Variants in PLXND1 observed in about 807,000 individuals in gnomAD.
The protein encoded by PLXND1 is plexin D1.
A neutral mutation model predicts 197.7 loss-of-function variants in PLXND1; 54 were observed. The observed-to-expected ratio is 0.27, with a 90% confidence interval of 0.22 to 0.34. The LOEUF is 0.34. Among genes scored for constraint, PLXND1 ranks in the 10% least tolerant of loss-of-function variants. The pLI, the probability that PLXND1 is intolerant of heterozygous loss-of-function variation, is 1.00. For missense variants in PLXND1, 2,127 were observed against 2,699.2 expected (o/e 0.79, Z 4.70); for synonymous variants, 1,180 against 1,161.2 (o/e 1.02, Z -0.33).
At position 129,558,423 on chromosome 3, in the gene PLXND1, C is replaced by G; in HGVS notation, c.5445+5G>C. The G allele has an allele frequency of 6.2e-7, 1 of 1,612,970 alleles. No homozygotes were observed. Reference sequence around the variant, plus strand: ...GGGCCTGGCCTGGTCCTGGGAACAGCTGACCTTGCCCAGCTGCAGGTCAGA... The same window carrying G: ...GGGCCTGGCCTGGTCCTGGGAACAGGTGACCTTGCCCAGCTGCAGGTCAGA... On this transcript the variant is annotated splice_donor_5th_base_variant and intron_variant, in intron 33 of 35. Coordinates refer to ENST00000324093, the MANE Select transcript of PLXND1 (RefSeq NM_015103.3). The surrounding 1 kb of genome is among the most constrained non-coding windows in gnomAD (Gnocchi z 4.1).
rs1560057943 is a variant in PLXND1, at chr3:129,559,779, G to A, written c.5138C>T (p.Thr1713Met). The A allele has an allele frequency of 5.6e-6, 9 of 1,599,484 alleles. No homozygotes were observed. Among genetic ancestry groups the A allele is most frequent in the South Asian group, 1.1e-5 (1 of 88,726 alleles). ...CAGGTCATCCAGAAACTTCTGCAAC[G>A]TGCCCTGCGGGGGAGTGGGGTGGCC... ...YLTRLLSTKG[T>M]LQKFLDDLFK... The change falls in exon 32 of 36, where the codon ACG becomes ATG. Residue 1713 changes from threonine to methionine, a missense_variant. Around this residue, in one of 6 missense-constraint regions of PLXND1, gnomAD observed 200 missense variants for 303.3 expected, o/e 0.66. Coordinates refer to ENST00000324093, the MANE Select transcript of PLXND1 (RefSeq NM_015103.3).
At chr3:129,579,427 C>A (rs1453147271) in intron 8 of PLXND1, among the ~76,000 whole-genome samples, 1 of 152,164 alleles carries the variant, frequency 6.6e-6, no homozygotes, top group Non-Finnish European at 1.5e-5. Context: ...GAATAAGAAA[C>A]TGAGGCCTGG....
chr3:129,600,724 G>A (rs564088529), intron 1 of PLXND1, among the ~76,000 whole-genome samples: 1 of 151,598 alleles, frequency 6.6e-6, no homozygotes, highest in African/African-American at 2.4e-5. Flanking sequence ...TGCACCCTTC[G>A]TCACTGGGAG....
At chr3:129,581,243 C>T (rs1250659333) in intron 8 of PLXND1, among the ~76,000 whole-genome samples, 1 of 152,214 alleles carries the variant, frequency 6.6e-6, no homozygotes, top group Non-Finnish European at 1.5e-5. Flanking sequence ...CCAAATTAAA[C>T]ATCAGTTCAG....
At chr3:129,592,485 AC>A (rs1359925303) in intron 1 of PLXND1, among the ~76,000 whole-genome samples, 4 of 152,204 alleles carry the variant, frequency 2.6e-5, no homozygotes, top group Non-Finnish European at 5.9e-5. Flanking sequence ...CTTTGGGCAT[AC>A]CCTGACATCC....
At chr3:129,561,053 G>A (rs1403952581) in intron 29 of PLXND1, 1 of 502,072 alleles carries the variant, frequency 2.0e-6, no homozygotes, top group Admixed American at 2.3e-5. Flanking sequence ...CGGGATGGAG[G>A]GACTTGGAAG....
chr3:129,584,104 C>G, intron 7 of PLXND1, 21 bp downstream of exon 7: 2 of 1,506,570 alleles, frequency 1.3e-6, no homozygotes, highest in Non-Finnish European at 1.8e-6. Flanking sequence ...CAACTGGAGG[C>G]AAGCCACCCA....
chr3:129,604,975 CACTT>C (rs1194524280), intron 1 of PLXND1, among the ~76,000 whole-genome samples: 12 of 152,374 alleles, frequency 7.9e-5, no homozygotes, highest in South Asian at 2.1e-4. Context: ...GGCATGCAGT[CACTT>C]ACTGCGCCCT....
chr3:129,593,757 C>T (rs1018674450), intron 1 of PLXND1, among the ~76,000 whole-genome samples: 6 of 152,172 alleles, frequency 3.9e-5, no homozygotes, highest in African/African-American at 1.2e-4. Flanking sequence ...CAAAGGGAGG[C>T]GGGTATTCAG....
intron 2 of PLXND1, among the ~76,000 whole-genome samples, chr3:129,588,440 C>T (rs1417863084): frequency 1.3e-5 from 2 of 151,384 alleles, no homozygotes; most frequent in Non-Finnish European, 2.9e-5. Flanking sequence ...CCCAAGTCAC[C>T]AAGCTGGAAG....
chr3:129,556,069 G>A lies in PLXND1; in HGVS notation c.*243C>T. The A allele has an allele frequency of 2.0e-6, 1 of 503,840 alleles. No individual in the cohort carries two copies. Among genetic ancestry groups the A allele is most frequent in the Non-Finnish European group, 3.6e-6 (1 of 277,626 alleles). 31.2% of individuals were successfully genotyped at this position (503,840 alleles called of 1,614,324 possible). Reference sequence around the variant, plus strand: ...CCGTGCTGGGCAGATGGGGGAGCCTGACCAGCTCTCTGGCCTCCATCCCAG... The same window carrying A: ...CCGTGCTGGGCAGATGGGGGAGCCTAACCAGCTCTCTGGCCTCCATCCCAG... On this transcript the variant is annotated 3_prime_UTR_variant, in exon 36 of 36. Coordinates refer to ENST00000324093, the MANE Select transcript of PLXND1 (RefSeq NM_015103.3).
Position 129,559,600 on chromosome 3 carries a change from A to G in PLXND1, c.5297+20T>C. The G allele has an allele frequency of 1.9e-6, 3 of 1,565,314 alleles. No homozygotes were observed. The highest frequency in any genetic ancestry group is 2.6e-6 in the Non-Finnish European group (3 of 1,156,324). On this transcript the variant is annotated intron_variant, in intron 32 of 35. Coordinates refer to ENST00000324093, the MANE Select transcript of PLXND1 (RefSeq NM_015103.3). The stretch of plus-strand genomic sequence containing the variant: ...GCCCCAGTGGCACAGTGAAGTCCAC[A>G]CGGCCCCCCCACCCGCCACCTGTTG...
In PLXND1 at chr3:129,572,959, G is replaced by A; in HGVS notation, c.2838-18C>T. 6.3e-7 allele frequency: 1 copy of A among 1,593,696 alleles called. No homozygotes were observed. Among genetic ancestry groups the A allele is most frequent in the Non-Finnish European group, 8.6e-7 (1 of 1,163,010 alleles). Reference sequence around the variant, plus strand: ...ACACGATCCTGAGGGGAGGTGCTGTGGTCAGCCAGCGGTCCTTGGCCCCCA... The same window carrying A: ...ACACGATCCTGAGGGGAGGTGCTGTAGTCAGCCAGCGGTCCTTGGCCCCCA... On this transcript the variant is annotated intron_variant, in intron 13 of 35. Coordinates refer to ENST00000324093, the MANE Select transcript of PLXND1 (RefSeq NM_015103.3).
At chr3:129,602,321 C>A (rs926296644) in intron 1 of PLXND1, among the ~76,000 whole-genome samples, 1 of 152,152 alleles carries the variant, frequency 6.6e-6, no homozygotes, top group African/African-American at 2.4e-5. Context: ...TCCCACTCTA[C>A]TCGCCTGGCC....
intron 27 of PLXND1, among the ~76,000 whole-genome samples, chr3:129,562,224 C>T (rs545599996): frequency 1.3e-5 from 2 of 152,240 alleles, no homozygotes; most frequent in Admixed American, 6.5e-5. Context: ...CTATAAAACC[C>T]ACTCCAGGCC....
At chr3:129,565,568 C>A in intron 24 of PLXND1, 30 bp from the exon 25 acceptor site, 1 of 1,589,162 alleles carries the variant, frequency 6.3e-7, no homozygotes. Flanking sequence ...GTCAACTGCA[C>A]CTTGAGGCCC....
chr3:129,571,906 C>T (rs1050679431), intron 15 of PLXND1, 62 bp from the exon 16 acceptor site: 2 of 1,494,888 alleles, frequency 1.3e-6, no homozygotes, highest in Middle Eastern at 2.1e-4. Flanking sequence ...CCGCCAATGC[C>T]CCTGAGACCT....
At chr3:129,566,797 T>C (rs974239107) in intron 22 of PLXND1, among the ~76,000 whole-genome samples, 166 bp from the exon 23 acceptor site, 4 of 152,028 alleles carry the variant, frequency 2.6e-5, no homozygotes, top group Non-Finnish European at 5.9e-5. Context: ...CTGGGGGCTG[T>C]GGAATTCCAG....
At position 129,586,627 on chromosome 3, in the gene PLXND1, T is replaced by C. The variant is rs1398952799; in HGVS notation, c.1581A>G (p.Pro527=). 49 of 1,576,706 alleles carry C rather than the reference T, an allele frequency of 3.1e-5. No homozygotes were observed. Among genetic ancestry groups the C allele is most frequent in the Non-Finnish European group, 3.8e-5 (44 of 1,160,640 alleles). Residue 527 remains proline, a synonymous_variant, in exon 3 of 36, where the codon CCA becomes CCG. Transcript: ENST00000324093. ...EPVHHVMQFD[P]ADSGYLYLMT... is the part of the protein sequence containing the mutation. ...TCAGGTAAAGGTAACCGGAGTCTGC[T>C]GGGTCAAACTGCATGACATGGTGCA...
Sources: allele counts gnomAD v4.1 joint callset (sites outside exome capture counted in the v4.1 genomes callset), GRCh38; gene constraint gnomAD v4.1.1; regional missense constraint gnomAD v4.1.1; non-coding constraint Gnocchi (gnomAD v3.1); transcripts MANE v1.5; gene names NCBI Gene and HGNC (gene_info 2026-07-23, HGNC 2026-07-21).